The following IPMK variants were observed in gnomAD, a reference collection of about 807,000 sequenced individuals.
IPMK encodes inositol polyphosphate multikinase, also known as inositol 1,3,4,6-tetrakisphosphate 5-kinase.
A neutral mutation model predicts 45.8 loss-of-function variants in IPMK; 17 were observed. The observed-to-expected ratio is 0.37, with a 90% CI of 0.25 to 0.56. The LOEUF is 0.56. IPMK is among the 20% of genes least tolerant of loss of function. The pLI is 0.79. For missense variants in IPMK, 399 were observed against 498.0 expected, an observed-to-expected ratio of 0.80 and a Z score of 1.89; for synonymous variants, 180 against 184.3, an observed-to-expected ratio of 0.98 and a Z score of 0.19.
rs1281949640 is a variant in IPMK, at chr10:58,240,473, G to T, written c.191-2659C>A. On this transcript the variant is annotated intron_variant, in intron 1 of 5. Transcript: ENST00000373935. ...GTCCCATAAAGAGAAAAGAGAATGG[G>T]CCAGAGAAAAAATTCTGGGCTTTCA... Among the ~76,000 whole-genome samples, 3 of 151,902 alleles carry T rather than the reference G, an allele frequency of 2.0e-5. No individual in the cohort carries two copies. In the East Asian group the frequency reaches 5.8e-4, roughly 29 times the overall value.
At chr10:58,196,823 T>A in intron 5 of IPMK, 125 bp from the exon 6 acceptor site, 1 of 686,854 alleles carries the variant, frequency 1.5e-6, no homozygotes. Flanking sequence ...GAACAGTTAA[T>A]CCTAGAATTC....
At chr10:58,236,934 G>T (rs778200717) in intron 2 of IPMK, among the ~76,000 whole-genome samples, 1 of 152,100 alleles carries the variant, frequency 6.6e-6, no homozygotes, top group East Asian at 1.9e-4. Flanking sequence ...GCCGGGCTGC[G>T]TGGCACACGC....
rs749762196 is a variant in IPMK at position 58,196,184 on chromosome 10, C to T, written c.1143G>A (p.Val381=). 6.8e-6 allele frequency: 11 copies of T among 1,614,100 alleles called. No homozygotes were observed. The highest frequency in any genetic ancestry group is 5.3e-5 in the African/African-American group (4 of 75,040). The change falls in exon 6 of 6, where the codon GTG becomes GTA. Residue 381 remains valine, a synonymous_variant. Coordinates refer to ENST00000373935, the MANE Select transcript of IPMK (RefSeq NM_152230.5). The part of the protein sequence containing the change: ...TGCQEIAEVE[V]RMIDFAHVFP... The stretch of plus-strand genomic sequence containing the variant: ...ACACATGAGCAAAATCTATCATTCG[C>T]ACTTCTACTTCAGCAATCTCTTGGC...
At chr10:58,204,980 G>A (rs1463979187) in intron 4 of IPMK, among the ~76,000 whole-genome samples, 2 of 152,000 alleles carry the variant, frequency 1.3e-5, no homozygotes, top group Non-Finnish European at 2.9e-5. Context: ...TTCACTGGGG[G>A]AATAACAGTC....
At chr10:58,255,871 A>G (rs1038743195) in intron 1 of IPMK, among the ~76,000 whole-genome samples, 10 of 152,198 alleles carry the variant, frequency 6.6e-5, no homozygotes, top group African/African-American at 2.4e-4. Flanking sequence ...TAATACTTTT[A>G]TAATTTCTTA....
chr10:58,207,950 CT>C (rs906106230), intron 4 of IPMK, among the ~76,000 whole-genome samples: 15 of 150,840 alleles, frequency 9.9e-5, no homozygotes, highest in Admixed American at 4.0e-4. Flanking sequence ...GTTCATTTTT[CT>C]TTTTTTTTAG....
intron 1 of IPMK, among the ~76,000 whole-genome samples, chr10:58,262,445 A>G (rs1474191479): frequency 6.6e-6 from 1 of 152,230 alleles, no homozygotes; most frequent in African/African-American, 2.4e-5. Context: ...TTTAAATGAA[A>G]TTTGAAATAT....
chr10:58,195,143 C>T lies in IPMK; in HGVS notation c.*933G>A, dbSNP rs1310394907. On this transcript the variant is annotated 3_prime_UTR_variant, in exon 6 of 6. Transcript: ENST00000373935. ...TTTTAACAACATACATTTACACTAC[C>T]ACTTAACTAAATGGGGACATATAAA... is the stretch of plus-strand genomic sequence containing the variant. The T allele has an allele frequency of 6.6e-6, 1 of 151,868 alleles. No individual in the cohort carries two copies. Among genetic ancestry groups the T allele is most frequent in the African/African-American group, 2.4e-5 (1 of 41,390 alleles). 9.4% of individuals were successfully genotyped at this position (151,868 alleles called of 1,614,324 possible).
intron 1 of IPMK, among the ~76,000 whole-genome samples, chr10:58,265,433 C>G (rs1588976161): frequency 6.6e-6 from 1 of 152,154 alleles, no homozygotes; most frequent in African/African-American, 2.4e-5. Context: ...TGACTTATGA[C>G]AGTGGAGAAA....
At chr10:58,206,408 T>C (rs1167992978) in intron 4 of IPMK, among the ~76,000 whole-genome samples, 1 of 152,224 alleles carries the variant, frequency 6.6e-6, no homozygotes, top group Non-Finnish European at 1.5e-5. Flanking sequence ...TATGAATTGA[T>C]TAAAACCAGT....
Position 58,218,133 on chromosome 10 carries a change from A to T in IPMK, c.374-1816T>A, listed in dbSNP as rs539453791. On this transcript the variant is annotated intron_variant, in intron 3 of 5. Transcript: ENST00000373935. ...GAACTAAGTGAAGTTAAGCCCAAAT[A>T]TGACAAAAAAGTTACTGCAGTCCAA... Among the ~76,000 whole-genome samples, 10 of 152,364 alleles carry T rather than the reference A, an allele frequency of 6.6e-5. No individual in the cohort carries two copies. In the South Asian group the frequency reaches 1.9e-3, roughly 28 times the overall value.
intron 3 of IPMK, among the ~76,000 whole-genome samples, chr10:58,224,995 A>G (rs1838391140): frequency 6.6e-6 from 1 of 152,220 alleles, no homozygotes; most frequent in Non-Finnish European, 1.5e-5. Flanking sequence ...TGCATGGTCC[A>G]ACAGTTTTGT....
In IPMK at chr10:58,267,634, G is replaced by T. The variant is rs778823118; in HGVS notation, c.-23C>A. On this transcript the variant is annotated 5_prime_UTR_variant, in exon 1 of 6. Coordinates refer to ENST00000373935, the MANE Select transcript of IPMK (RefSeq NM_152230.5). The stretch of plus-strand genomic sequence containing the variant: ...CATAACGGAGAGCAGAAGCGGTAAC[G>T]GCAGCGAGAGTAGGAAAAAAAATAG... The T allele has an allele frequency of 4.5e-6, 7 of 1,538,648 alleles. No homozygotes were observed. Among genetic ancestry groups the T allele is most frequent in the Non-Finnish European group, 6.2e-6 (7 of 1,131,258 alleles).
At chr10:58,239,206 A>G (rs900854924) in intron 1 of IPMK, among the ~76,000 whole-genome samples, 1 of 152,162 alleles carries the variant, frequency 6.6e-6, no homozygotes, top group African/African-American at 2.4e-5. Context: ...AGGTAGGTAA[A>G]TATTAATCTT....
At chr10:58,235,429 A>G (rs941844099) in intron 2 of IPMK, among the ~76,000 whole-genome samples, 13 of 152,208 alleles carry the variant, frequency 8.5e-5, no homozygotes, top group Admixed American at 2.6e-4. Context: ...ATGTCCCTCA[A>G]TGATAGACTG....
chr10:58,216,109 G>C (rs1838241158), intron 4 of IPMK, 36 bp downstream of exon 4: 1 of 1,327,512 alleles, frequency 7.5e-7, no homozygotes, highest in Non-Finnish European at 1.0e-6. Context: ...AACATGTACA[G>C]AGAAATGTGC....
chr10:58,253,734 CAAAAAAAAAAAAAAAAGA>C (rs977013292), intron 1 of IPMK, among the ~76,000 whole-genome samples: 1 of 49,886 alleles, frequency 2.0e-5, no homozygotes. Context: ...ACTCCATCTC[CAAAAAAAAAAAAAAAAGA>C]AAAAAAAAGA....
intron 1 of IPMK, among the ~76,000 whole-genome samples, chr10:58,239,406 G>T (rs1376507568): frequency 6.6e-6 from 1 of 152,184 alleles, no homozygotes; most frequent in Non-Finnish European, 1.5e-5. Flanking sequence ...TAGAATTCCA[G>T]AGGAAAATAA....
At chr10:58,214,209 C>T (rs994235291) in intron 4 of IPMK, among the ~76,000 whole-genome samples, 1 of 151,782 alleles carries the variant, frequency 6.6e-6, no homozygotes, top group Non-Finnish European at 1.5e-5. Flanking sequence ...GAATGAGATT[C>T]AGAGGGCGTA....
Sources: gnomAD v4.1 joint callset for allele counts (sites outside exome capture counted in the v4.1 genomes callset) on GRCh38, gnomAD v4.1.1 for gene constraint, MANE v1.5 for transcripts, NCBI Gene and HGNC (gene_info 2026-07-23, HGNC 2026-07-21) for gene names.